Variants in ARHGAP10 observed in about 807,000 individuals in gnomAD.
ARHGAP10 encodes Rho GTPase activating protein 10, also known as rho GTPase-activating protein 10.
In ARHGAP10, 87 loss-of-function variants were observed where a neutral mutation model predicts 108.6. The ratio of observed to expected loss-of-function variants is 0.80; its 90% CI spans 0.67 to 0.96. ARHGAP10 has a LOEUF of 0.96. Among genes scored for constraint, ARHGAP10 ranks in the 40% least tolerant of loss-of-function variants. The pLI is 0.00. For missense variants in ARHGAP10, 939 were observed against 954.5 expected (o/e 0.98, Z 0.21); for synonymous variants, 347 against 341.1 (o/e 1.02, Z -0.19).
At chr4:147,773,651 C>T (rs558403437) in intron 1 of ARHGAP10, among the ~76,000 whole-genome samples, 7 of 152,188 alleles carry the variant, frequency 4.6e-5, no homozygotes, top group East Asian at 1.9e-4. Context: ...ATCTGTTTTT[C>T]GTGGGCAGAA....
intron 7 of ARHGAP10, among the ~76,000 whole-genome samples, chr4:147,872,229 C>T (rs563973447): frequency 3.3e-5 from 5 of 151,682 alleles, no homozygotes; most frequent in African/African-American, 1.2e-4. Context: ...GGTGATGAGA[C>T]AGAGGTGGCT....
At position 147,734,701 on chromosome 4, in the gene ARHGAP10, A is replaced by G. The variant is rs551489937; in HGVS notation, c.154+2246A>G. Reference sequence around the variant, plus strand: ...CTTTTGCGTCCAACTTCCCCTGTCTACCTCTTAGGGGAACTAATAAGGTTC... The same window carrying G: ...CTTTTGCGTCCAACTTCCCCTGTCTGCCTCTTAGGGGAACTAATAAGGTTC... On this transcript the variant is annotated intron_variant, in intron 1 of 22. Transcript: ENST00000336498. 4.6e-5 allele frequency among the ~76,000 whole-genome samples: 7 copies of G among 152,226 alleles called. No individual in the cohort carries two copies. In the East Asian group the frequency reaches 1.2e-3, roughly 25 times the overall value.
At chr4:147,922,095 T>C (rs2126935817) in intron 13 of ARHGAP10, among the ~76,000 whole-genome samples, 1 of 151,972 alleles carries the variant, frequency 6.6e-6, no homozygotes, top group African/African-American at 2.4e-5. Context: ...ATTGTCCAGG[T>C]TTGCAAGGAT....
chr4:147,754,008 A>G (rs1729270640), intron 1 of ARHGAP10, among the ~76,000 whole-genome samples: 1 of 152,306 alleles, frequency 6.6e-6, no homozygotes, highest in Middle Eastern at 3.4e-3. Context: ...AAAAACTTTG[A>G]TACCCCTCAC....
At chr4:147,926,949 T>C (rs768290578) in intron 13 of ARHGAP10, among the ~76,000 whole-genome samples, 6 of 151,000 alleles carry the variant, frequency 4.0e-5, no homozygotes, top group Non-Finnish European at 8.9e-5. Context: ...ATAAGAACCA[T>C]GTGAGACAGG....
At chr4:147,856,108 T>C (rs950955074) in intron 4 of ARHGAP10, among the ~76,000 whole-genome samples, 1 of 152,240 alleles carries the variant, frequency 6.6e-6, no homozygotes, top group Admixed American at 6.5e-5. Flanking sequence ...TGGTGTGCTC[T>C]CATTGATACT....
chr4:147,837,650 T>TTTTTTTTTTTTGTTTTTG lies in ARHGAP10; in HGVS notation c.313-9490_313-9489insGTTTTTGTTTTTTTTTTT, dbSNP rs1553955214. ...CTAGAATCTCTGGTCACTGTTTTTT[T>TTTTTTTTTTTTGTTTTTG]TTTTTTTTTTTTAAAGCAGTAGCTT... On this transcript the variant is annotated intron_variant, in intron 3 of 22. Transcript: ENST00000336498. 1.8e-4 allele frequency among the ~76,000 whole-genome samples: 20 copies of TTTTTTTTTTTTGTTTTTG among 112,008 alleles called. 1 individual carries two copies. Among genetic ancestry groups the TTTTTTTTTTTTGTTTTTG allele is most frequent in the South Asian group, 3.6e-4 (1 of 2,798 alleles). The allele number at this position is 112,008 out of a possible 152,430, so 73.5% of individuals were successfully genotyped here.
chr4:147,963,307 T>C (rs1739072716), intron 16 of ARHGAP10, among the ~76,000 whole-genome samples: 1 of 152,192 alleles, frequency 6.6e-6, no homozygotes, highest in Non-Finnish European at 1.5e-5. Flanking sequence ...CCTTGAACCC[T>C]TCCCCGTTCT....
chr4:147,745,790 C>CTTTTT (rs70958581), intron 1 of ARHGAP10, among the ~76,000 whole-genome samples: 1 of 132,970 alleles, frequency 7.5e-6, no homozygotes, highest in Non-Finnish European at 1.6e-5. Flanking sequence ...TGTGCCCGGC[C>CTTTTT]TTTTTTTTTT....
chr4:147,828,850 A>G (rs535653784), intron 3 of ARHGAP10, among the ~76,000 whole-genome samples: 11 of 151,538 alleles, frequency 7.3e-5, no homozygotes, highest in East Asian at 2.0e-4. Context: ...CTATGAATAC[A>G]CATGCCTCAC....
In ARHGAP10 at chr4:147,879,298, T is replaced by C; in HGVS notation, c.899T>C (p.Phe300Ser). 6.2e-7 allele frequency: 1 copy of C among 1,614,112 alleles called. No homozygotes were observed. The highest frequency in any genetic ancestry group is 8.5e-7 in the Non-Finnish European group (1 of 1,179,956). Residue 300 changes from phenylalanine (F) to serine (S), a missense_variant, in exon 9 of 23, where the codon TTC becomes TCC. Phe to Ser is a radical substitution (Grantham distance 155). Coordinates refer to ENST00000336498, the MANE Select transcript of ARHGAP10 (RefSeq NM_024605.4). Reference protein sequence around the residue: ...YCMYRKAAKKFNMIPFEHRSG... With the variant: ...YCMYRKAAKKSNMIPFEHRSG... ...ATGTATCGAAAAGCAGCAAAGAAGT[T>C]CAACATGATCCCATTTGAGCACAGA...
chr4:147,866,609 G>A (rs1268549028), intron 6 of ARHGAP10, 103 bp from the exon 7 acceptor site: 1 of 758,374 alleles, frequency 1.3e-6, no homozygotes, highest in East Asian at 2.6e-5. Context: ...TTATTTCAGT[G>A]GAATAACAGT....
At chr4:147,796,716 G>A (rs867742003) in intron 1 of ARHGAP10, among the ~76,000 whole-genome samples, 2 of 151,954 alleles carry the variant, frequency 1.3e-5, no homozygotes, top group African/African-American at 2.4e-5. Flanking sequence ...TAGTAGAGAC[G>A]GGGTTTCACC....
chr4:148,000,279 G>T (rs1740655342), intron 18 of ARHGAP10, among the ~76,000 whole-genome samples: 1 of 152,158 alleles, frequency 6.6e-6, no homozygotes, highest in Non-Finnish European at 1.5e-5. Flanking sequence ...TGGCTGCATA[G>T]TATTCCATGG....
intron 18 of ARHGAP10, among the ~76,000 whole-genome samples, chr4:148,013,120 G>A (rs1741228087): frequency 6.6e-6 from 1 of 152,074 alleles, no homozygotes; most frequent in Non-Finnish European, 1.5e-5. Flanking sequence ...ATACTAATCT[G>A]CCCCCCACCT....
rs779975076 is a variant in ARHGAP10 at position 148,023,250 on chromosome 4, G to C, written c.1717-13G>C. 1.4e-5 allele frequency: 22 copies of C among 1,613,614 alleles called. No individual in the cohort carries two copies. The South Asian group carries it at 2.4e-4, about 18-fold the overall frequency. On this transcript the variant is annotated splice_polypyrimidine_tract_variant and intron_variant, in intron 18 of 22. Transcript: ENST00000336498. ...ATGGTAAATAATTCCTGTCCTTTAT[G>C]CTTTGTTGGAAGATTTTTCGGACGC...
rs1002967866 is a variant in ARHGAP10, at chr4:148,051,123, A to G, written c.2027+4072A>G. ...ATAGGTGGTGTAGCTGTTGCCTCTGATAGGTAGAAAACAATGCAGCAGAAT... is the reference window on the plus strand; with the variant it reads ...ATAGGTGGTGTAGCTGTTGCCTCTGGTAGGTAGAAAACAATGCAGCAGAAT... On this transcript the variant is annotated intron_variant, in intron 20 of 22. Transcript: ENST00000336498. Among the ~76,000 whole-genome samples the G allele has an allele frequency of 2.0e-5, 3 of 152,226 alleles. No individual in the cohort carries two copies. In the South Asian group the frequency reaches 6.2e-4, roughly 31 times the overall value.
intron 3 of ARHGAP10, among the ~76,000 whole-genome samples, chr4:147,846,896 G>A (rs1357000164): frequency 2.6e-5 from 4 of 152,178 alleles, no homozygotes; most frequent in African/African-American, 7.2e-5. Flanking sequence ...TTGCTGTTTT[G>A]TGGAAGAGAG....
chr4:147,914,410 T>C (rs543747104), intron 13 of ARHGAP10, among the ~76,000 whole-genome samples: 1 of 151,980 alleles, frequency 6.6e-6, no homozygotes, highest in South Asian at 2.1e-4. Context: ...CAGGCTGGAG[T>C]GTGGTGGTGG....
Sources: gnomAD v4.1 joint callset for allele counts (sites outside exome capture counted in the v4.1 genomes callset) on GRCh38, gnomAD v4.1.1 for gene constraint, MANE v1.5 for transcripts, NCBI Gene and HGNC (gene_info 2026-07-23, HGNC 2026-07-21) for gene names.